Variants in HMGCLL1 observed in about 807,000 individuals in gnomAD.
HMGCLL1 encodes the protein 3-hydroxy-3-methylglutaryl-CoA lyase like 1, also known as 3-hydroxymethyl-3-methylglutaryl-CoA lyase, cytoplasmic.
Under a neutral mutation model 39.1 loss-of-function variants are expected in HMGCLL1, and 36 were observed. The ratio of observed to expected loss-of-function variants is 0.92; its 90% CI spans 0.71 to 1.22. The LOEUF (loss-of-function observed/expected upper bound fraction) is 1.22. Among genes scored for constraint, HMGCLL1 ranks in the 50% most tolerant of loss-of-function variants. The pLI is 0.00. For missense variants in HMGCLL1, 451 were observed against 416.5 expected (o/e 1.08, Z -0.72); for synonymous variants, 149 against 144.0 (o/e 1.03, Z -0.25).
At chr6:55,530,356 TATAAA>T (rs199977543) in intron 3 of HMGCLL1, among the ~76,000 whole-genome samples, 3,246 of 152,082 alleles carry the variant, frequency 0.021, 54 homozygotes, top group Non-Finnish European at 0.032. Context: ...CCAAGACATT[TATAAA>T]ATAAATAGCA....
the HMGCLL1 span, among the ~76,000 whole-genome samples, chr6:55,641,864 T>A: frequency 2.8e-4 from 39 of 141,062 alleles, no homozygotes; most frequent in Middle Eastern, 3.7e-3. Flanking sequence ...TCTTTTTTTT[T>A]AATTTTTTTT....
At chr6:55,585,946 G>A in the HMGCLL1 span, among the ~76,000 whole-genome samples, 1 of 152,040 alleles carries the variant, frequency 6.6e-6, no homozygotes, top group African/African-American at 2.4e-5. Context: ...ATTTTAATTA[G>A]AGGAGTATAA....
intron 2 of HMGCLL1, 37 bp from the exon 3 acceptor site, chr6:55,541,873 T>G (rs765971485): frequency 2.5e-6 from 3 of 1,184,484 alleles, no homozygotes; most frequent in Admixed American, 2.0e-5. Flanking sequence ...GTAAATTGTA[T>G]AGGTCCTATT....
In HMGCLL1 at chr6:55,502,711, TG is replaced by T. The variant is rs201537536; in HGVS notation, c.543-3413del. 4.2e-3 allele frequency among the ~76,000 whole-genome samples: 323 copies of T among 76,100 alleles called. 3 individuals carry two copies. The East Asian group carries it at 0.044, about 10-fold the overall frequency. The allele number at this position is 76,100 out of a possible 152,430, so 49.9% of individuals were successfully genotyped here. On this transcript the variant is annotated intron_variant, in intron 5 of 8. Transcript: ENST00000274901. ...ACTAATTTTGTTTTCTGTAAAGATC[TG>T]GTTTTTTTTTTTTTGCTTGCATTGT...
intron 3 of HMGCLL1, among the ~76,000 whole-genome samples, chr6:55,520,093 T>C (rs1238607492): frequency 4.1e-5 from 3 of 73,154 alleles, no homozygotes; most frequent in African/African-American, 1.7e-4. Context: ...CATCGGGGCC[T>C]GTCAGGGGGT....
the HMGCLL1 span, among the ~76,000 whole-genome samples, chr6:55,625,110 T>A: frequency 2.1e-4 from 32 of 152,202 alleles, no homozygotes; most frequent in Admixed American, 1.9e-3. Flanking sequence ...GCCTCTAGGA[T>A]TTTGGAACAA....
intron 1 of HMGCLL1, among the ~76,000 whole-genome samples, chr6:55,578,336 G>A (rs569992134): frequency 2.6e-5 from 4 of 152,212 alleles, no homozygotes; most frequent in African/African-American, 9.6e-5. Flanking sequence ...TAAATCATAA[G>A]TATATGAATA....
chr6:55,502,283 A>AT (rs1247387190), intron 5 of HMGCLL1, among the ~76,000 whole-genome samples: 2 of 151,386 alleles, frequency 1.3e-5, no homozygotes, highest in Non-Finnish European at 3.0e-5. Flanking sequence ...ATGGTAGTCT[A>AT]TTTTTTTCTC....
the HMGCLL1 span, among the ~76,000 whole-genome samples, chr6:55,591,092 T>G: frequency 6.6e-6 from 1 of 152,004 alleles, no homozygotes; most frequent in Non-Finnish European, 1.5e-5. Context: ...GTACATGGTA[T>G]TTCCTGCTTC....
chr6:55,645,923 G>A, the HMGCLL1 span, among the ~76,000 whole-genome samples: 2 of 151,762 alleles, frequency 1.3e-5, no homozygotes, highest in Non-Finnish European at 2.9e-5. Context: ...GAGTTTGAAA[G>A]TATTCTCTCT....
At chr6:55,570,281 C>T (rs1327206091) in intron 1 of HMGCLL1, among the ~76,000 whole-genome samples, 1 of 152,182 alleles carries the variant, frequency 6.6e-6, no homozygotes, top group African/African-American at 2.4e-5. Context: ...CTAACACATT[C>T]TCAGCCTCTT....
chr6:55,536,907 G>C (rs1440252852), intron 3 of HMGCLL1, among the ~76,000 whole-genome samples: 3 of 152,142 alleles, frequency 2.0e-5, no homozygotes, highest in Non-Finnish European at 2.9e-5. Context: ...ACATCAACTA[G>C]AGGACTATTC....
chr6:55,644,998 T>A, the HMGCLL1 span, among the ~76,000 whole-genome samples: 1 of 151,998 alleles, frequency 6.6e-6, no homozygotes, highest in African/African-American at 2.4e-5. Context: ...AGTATGGACA[T>A]TTTAACAATA....
intron 8 of HMGCLL1, among the ~76,000 whole-genome samples, chr6:55,435,990 A>C (rs1347132487): frequency 6.6e-6 from 1 of 152,002 alleles, no homozygotes; most frequent in Non-Finnish European, 1.5e-5. Context: ...TGACCCTTGT[A>C]TAATAATATA....
At chr6:55,435,909 A>G (rs1047934466) in intron 8 of HMGCLL1, 146 bp from the exon 9 acceptor site, 11 of 468,836 alleles carry the variant, frequency 2.3e-5, no homozygotes, top group African/African-American at 1.8e-4. Context: ...ATTTTGGGGC[A>G]ACATTTGTTT....
intron 7 of HMGCLL1, among the ~76,000 whole-genome samples, chr6:55,484,613 T>A (rs550555169): frequency 6.6e-6 from 1 of 152,144 alleles, no homozygotes; most frequent in Non-Finnish European, 1.5e-5. Flanking sequence ...GGCAGTTTCA[T>A]CCTTCCAGTT....
the HMGCLL1 span, among the ~76,000 whole-genome samples, chr6:55,624,457 G>C: frequency 6.6e-6 from 1 of 152,282 alleles, no homozygotes; most frequent in East Asian, 1.9e-4. Flanking sequence ...TTTGACTTCA[G>C]CTGGCAAGGC....
chr6:55,563,232 AT>A (rs1771042169), intron 1 of HMGCLL1, among the ~76,000 whole-genome samples: 1 of 152,180 alleles, frequency 6.6e-6, no homozygotes, highest in Non-Finnish European at 1.5e-5. Flanking sequence ...TAACTAAGAA[AT>A]TATAAATTAG....
intron 1 of HMGCLL1, among the ~76,000 whole-genome samples, chr6:55,568,611 T>TA (rs1223937111): frequency 2.6e-5 from 4 of 152,196 alleles, no homozygotes; most frequent in Non-Finnish European, 4.4e-5. Context: ...AACTACTACG[T>TA]AGACTAACAA....
Sources: gnomAD v4.1 joint callset for allele counts (sites outside exome capture counted in the v4.1 genomes callset) on GRCh38, gnomAD v4.1.1 for gene constraint, MANE v1.5 for transcripts, NCBI Gene and HGNC (gene_info 2026-07-23, HGNC 2026-07-21) for gene names.